The following ADAMTS19 variants were observed in gnomAD, a reference collection of about 807,000 sequenced individuals.
ADAMTS19 encodes A disintegrin and metalloproteinase with thrombospondin motifs 19.
In ADAMTS19, 93 loss-of-function variants were observed where a neutral mutation model predicts 153.3. That is an observed-to-expected ratio of 0.61 (90% CI 0.51 to 0.72). The LOEUF (loss-of-function observed/expected upper bound fraction) is 0.72. ADAMTS19 is among the 30% of genes least tolerant of loss of function. ADAMTS19 has a pLI of 0.00. For synonymous variants in ADAMTS19, 600 were observed against 556.6 expected (o/e 1.08, Z -1.10); for missense variants, 1,482 against 1,552.1 (o/e 0.95, Z 0.76).
At chr5:129,658,428 A>G (rs763109088) in intron 14 of ADAMTS19, among the ~76,000 whole-genome samples, 189 bp from the exon 15 acceptor site, 7 of 152,332 alleles carry the variant, frequency 4.6e-5, no homozygotes, top group Non-Finnish European at 7.3e-5. Context: ...TGGTAATTTT[A>G]CAGATTATGT....
In ADAMTS19 at chr5:129,653,823, G is replaced by T. The variant is rs184485906; in HGVS notation, c.2177-483G>T. 3.9e-3 allele frequency among the ~76,000 whole-genome samples: 593 copies of T among 152,200 alleles called. 6 individuals are homozygous for T. The highest frequency in any genetic ancestry group is 0.014 in the African/African-American group (568 of 41,532). ...TTAGACATTTTTTCAATTAGAAAAT[G>T]TCAACTATATAGAAATAAATACTAG... On this transcript the variant is annotated intron_variant, in intron 13 of 22. Coordinates refer to ENST00000274487, the MANE Select transcript of ADAMTS19 (RefSeq NM_133638.6).
chr5:129,535,697 C>T (rs561806030), intron 6 of ADAMTS19, among the ~76,000 whole-genome samples: 1 of 152,148 alleles, frequency 6.6e-6, no homozygotes, highest in East Asian at 1.9e-4. Context: ...CAGTATGGTA[C>T]TGGTACCGAA....
chr5:129,542,108 G>T (rs1203290233), intron 6 of ADAMTS19, among the ~76,000 whole-genome samples: 1 of 152,034 alleles, frequency 6.6e-6, no homozygotes, highest in Non-Finnish European at 1.5e-5. Flanking sequence ...AGCAACAGAA[G>T]AAATAGTTGG....
chr5:129,667,278 C>T (rs900538409), intron 16 of ADAMTS19, among the ~76,000 whole-genome samples: 1 of 152,058 alleles, frequency 6.6e-6, no homozygotes, highest in Non-Finnish European at 1.5e-5. Flanking sequence ...AGGCCTGGGT[C>T]CTGATCTTTT....
In ADAMTS19 at chr5:129,578,072, ACAC is replaced by A. The variant is rs1749253179; in HGVS notation, c.1373-18486_1373-18484del. 1.4e-5 allele frequency among the ~76,000 whole-genome samples: 2 copies of A among 139,056 alleles called. 1 individual carries two copies. Among genetic ancestry groups the A allele is most frequent in the Non-Finnish European group, 3.2e-5 (2 of 62,368 alleles). 91.2% of individuals were successfully genotyped at this position (139,056 alleles called of 152,430 possible). On this transcript the variant is annotated intron_variant, in intron 7 of 22. Transcript: ENST00000274487. Reference sequence around the variant, plus strand: ...CACACACACACACACACACACACACACACACACATATATACATATACATACATA... The same window carrying A: ...CACACACACACACACACACACACACAACACATATATACATATACATACATA...
chr5:129,461,472 G>C lies in ADAMTS19; in HGVS notation c.462G>C (p.Pro154=). The change falls in exon 2 of 23, where the codon CCG becomes CCC. Residue 154 remains proline, a synonymous_variant. Coordinates refer to ENST00000274487, the MANE Select transcript of ADAMTS19 (RefSeq NM_133638.6). This position sits in a 1 kb window ranked among gnomAD's most constrained non-coding sequence, Gnocchi z 4.6. ...ASWQPPPPPQ[P]PPSPPPAQHA... ...GGCAGCCGCCGCCTCCCCCGCAGCC[G>C]CCCCCGTCCCCGCCCCCGGCCCAGC... 6.8e-7 allele frequency: 1 copy of C among 1,466,314 alleles called. No individual in the cohort carries two copies. Among genetic ancestry groups the C allele is most frequent in the Middle Eastern group, 2.3e-4 (1 of 4,412 alleles). The allele number at this position is 1,466,314 out of a possible 1,614,324, so 90.8% of individuals were successfully genotyped here.
At chr5:129,526,723 TC>T (rs1752022649) in intron 4 of ADAMTS19, among the ~76,000 whole-genome samples, 1 of 151,864 alleles carries the variant, frequency 6.6e-6, no homozygotes, top group Non-Finnish European at 1.5e-5. Flanking sequence ...TTGGTACTGT[TC>T]TTTTCCTTTT....
At chr5:129,547,378 T>C (rs1223777695) in intron 6 of ADAMTS19, among the ~76,000 whole-genome samples, 1 of 150,820 alleles carries the variant, frequency 6.6e-6, no homozygotes, top group Non-Finnish European at 1.5e-5. Flanking sequence ...ATTTCAAAAT[T>C]CGGGCCTTCA....
chr5:129,519,747 GA>G (rs1413060449), intron 3 of ADAMTS19, among the ~76,000 whole-genome samples: 1 of 152,042 alleles, frequency 6.6e-6, no homozygotes, highest in Non-Finnish European at 1.5e-5. Context: ...GGAGACCCTG[GA>G]CCCTTGACTC....
chr5:129,525,049 T>A (rs1751960456), intron 3 of ADAMTS19, among the ~76,000 whole-genome samples: 1 of 152,192 alleles, frequency 6.6e-6, no homozygotes, highest in Non-Finnish European at 1.5e-5. Flanking sequence ...TATTCCATTA[T>A]ATGACTATTC....
chr5:129,542,722 C>T (rs1752698893), intron 6 of ADAMTS19, among the ~76,000 whole-genome samples: 1 of 152,004 alleles, frequency 6.6e-6, no homozygotes, highest in South Asian at 2.1e-4. Context: ...TACATATTTT[C>T]AGAAAGATAT....
chr5:129,680,764 A>AAAAAAAAAAAAC (rs1303261574), intron 17 of ADAMTS19, among the ~76,000 whole-genome samples: 2 of 110,670 alleles, frequency 1.8e-5, no homozygotes, highest in South Asian at 2.9e-4. Flanking sequence ...TCTGTCTCAA[A>AAAAAAAAAAAAC]AAAAAAAAAA....
At chr5:129,533,585 T>C (rs1000056854) in intron 6 of ADAMTS19, among the ~76,000 whole-genome samples, 2 of 152,322 alleles carry the variant, frequency 1.3e-5, no homozygotes, top group East Asian at 1.9e-4. Context: ...TTTTTGAGTC[T>C]CTATTTCCTT....
chr5:129,675,414 G>C (rs55832192), intron 16 of ADAMTS19, among the ~76,000 whole-genome samples: 8,899 of 152,122 alleles, frequency 0.058, 406 homozygotes, highest in African/African-American at 0.13. Context: ...CCATGGGACA[G>C]TTATGGTCTG....
chr5:129,543,024 T>G (rs1026551060), intron 6 of ADAMTS19, among the ~76,000 whole-genome samples: 3 of 149,778 alleles, frequency 2.0e-5, no homozygotes, highest in South Asian at 2.1e-4. Context: ...TGTTGTTGTT[T>G]TTTTTTGTTG....
intron 2 of ADAMTS19, among the ~76,000 whole-genome samples, chr5:129,498,246 A>G (rs1218481000): frequency 6.6e-6 from 1 of 152,030 alleles, no homozygotes; most frequent in Non-Finnish European, 1.5e-5. Flanking sequence ...TCTCCATTTC[A>G]ATCTTTCTTT....
intron 10 of ADAMTS19, among the ~76,000 whole-genome samples, chr5:129,638,062 CT>C (rs1392021103): frequency 1.3e-5 from 2 of 151,990 alleles, no homozygotes; most frequent in Non-Finnish European, 2.9e-5. Flanking sequence ...CAGTAACCCC[CT>C]AGGAAACATG....
intron 8 of ADAMTS19, among the ~76,000 whole-genome samples, chr5:129,601,797 G>A (rs2126931689): frequency 6.6e-6 from 1 of 152,170 alleles, no homozygotes; most frequent in South Asian, 2.1e-4. Flanking sequence ...GATTTTACTG[G>A]CGTTTGATCA....
At position 129,502,754 on chromosome 5, in the gene ADAMTS19, T is replaced by C. The variant is rs143582596; in HGVS notation, c.748-6323T>C. ...TCAGAGCAGTGATGGATACATTTTC[T>C]GTTATCTCAAGAAGGAAGACTACAT... On this transcript the variant is annotated intron_variant, in intron 2 of 22. Transcript: ENST00000274487. Among the ~76,000 whole-genome samples, 13 of 152,338 alleles carry C rather than the reference T, an allele frequency of 8.5e-5. No individual in the cohort carries two copies. The East Asian group carries it at 2.5e-3, about 29-fold the overall frequency.
Sources: allele counts gnomAD v4.1 joint callset (sites outside exome capture counted in the v4.1 genomes callset), GRCh38; gene constraint gnomAD v4.1.1; non-coding constraint Gnocchi (gnomAD v3.1); transcripts MANE v1.5; gene names NCBI Gene and HGNC (gene_info 2026-07-23, HGNC 2026-07-21).